Variants in ABI3BP observed in about 807,000 individuals in gnomAD.
ABI3BP encodes target of Nesh-SH3.
A neutral mutation model predicts 268.6 loss-of-function variants in ABI3BP; 216 were observed. That is an observed-to-expected ratio of 0.80 (90% CI 0.72 to 0.90). The LOEUF (loss-of-function observed/expected upper bound fraction) is 0.90. ABI3BP is among the 40% of genes least tolerant of loss of function. The pLI is 0.00. For missense variants in ABI3BP, 2,090 were observed against 2,182.4 expected, an observed-to-expected ratio of 0.96 and a Z score of 0.84; for synonymous variants, 730 against 730.0, an observed-to-expected ratio of 1.00 and a Z score of 0.00.
chr3:100,820,715 ACT>A (rs2098192612), intron 39 of ABI3BP, among the ~76,000 whole-genome samples: 1 of 152,142 alleles, frequency 6.6e-6, no homozygotes, highest in African/African-American at 2.4e-5. Context: ...TCATAAAGAA[ACT>A]CTCTGGTATC....
intron 1 of ABI3BP, among the ~76,000 whole-genome samples, chr3:100,950,853 T>G (rs375207162): frequency 6.6e-6 from 1 of 151,894 alleles, no homozygotes; most frequent in East Asian, 1.9e-4. Flanking sequence ...AGGCATCTCA[T>G]ACTAGTCATT....
chr3:100,898,470 C>T, intron 4 of ABI3BP, among the ~76,000 whole-genome samples: 1 of 152,204 alleles, frequency 6.6e-6, no homozygotes, highest in East Asian at 1.9e-4. Flanking sequence ...TTCCTAACTG[C>T]CTTTGGCCCC....
intron 10 of ABI3BP, among the ~76,000 whole-genome samples, chr3:100,866,417 A>G (rs1458360175): frequency 6.6e-6 from 1 of 152,226 alleles, no homozygotes; most frequent in Non-Finnish European, 1.5e-5. Context: ...TATTCTCTAC[A>G]CTAGGATTGC....
chr3:100,821,249 TA>T, intron 38 of ABI3BP, 136 bp from the exon 39 acceptor site: 1 of 721,840 alleles, frequency 1.4e-6, no homozygotes, highest in Non-Finnish European at 2.2e-6. Flanking sequence ...CTGTTAAAAC[TA>T]AAAAAGTAGA....
At chr3:100,951,638 C>T (rs2075083444) in intron 1 of ABI3BP, among the ~76,000 whole-genome samples, 1 of 151,876 alleles carries the variant, frequency 6.6e-6, no homozygotes, top group East Asian at 1.9e-4. Flanking sequence ...TGTCACAGTC[C>T]TAGGCACCCA....
intron 29 of ABI3BP, among the ~76,000 whole-genome samples, chr3:100,833,484 G>A (rs1178690403): frequency 6.6e-6 from 1 of 152,174 alleles, no homozygotes; most frequent in South Asian, 2.1e-4. Context: ...ATGTGAAAGT[G>A]TAGTTACACT....
At chr3:100,874,360 T>A (rs549243493) in intron 9 of ABI3BP, among the ~76,000 whole-genome samples, 1 of 152,208 alleles carries the variant, frequency 6.6e-6, no homozygotes, top group Non-Finnish European at 1.5e-5. Flanking sequence ...GGCCCTTTTT[T>A]AAGTGGATTT....
chr3:100,755,231 G>A (rs1057115239), intron 63 of ABI3BP, among the ~76,000 whole-genome samples: 8 of 152,176 alleles, frequency 5.3e-5, no homozygotes, highest in African/African-American at 1.4e-4. Flanking sequence ...AGCAATTTTT[G>A]AGGAGATTCA....
intron 1 of ABI3BP, among the ~76,000 whole-genome samples, chr3:100,978,493 C>T (rs1303992954): frequency 1.3e-5 from 2 of 152,170 alleles, no homozygotes; most frequent in African/African-American, 4.8e-5. Flanking sequence ...CATAATGTCA[C>T]AAAAACCTTT....
intron 1 of ABI3BP, among the ~76,000 whole-genome samples, chr3:100,967,503 CAA>C (rs5851238): frequency 2.0e-3 from 228 of 114,030 alleles, no homozygotes; most frequent in Middle Eastern, 4.1e-3. Flanking sequence ...GACTCCATCT[CAA>C]AAAAAAAAAA....
chr3:100,794,756 A>G (rs1227511337), intron 54 of ABI3BP, among the ~76,000 whole-genome samples, 167 bp downstream of exon 54: 1 of 152,030 alleles, frequency 6.6e-6, no homozygotes, highest in African/African-American at 2.4e-5. Context: ...GAAAATCAGC[A>G]TAAATATTAG....
intron 1 of ABI3BP, among the ~76,000 whole-genome samples, chr3:100,954,176 A>G (rs1327907353): frequency 6.6e-6 from 1 of 152,240 alleles, no homozygotes; most frequent in Non-Finnish European, 1.5e-5. Context: ...TCTTTTAATT[A>G]TTTAGAAATA....
chr3:100,936,806 G>A (rs933346562), intron 1 of ABI3BP, among the ~76,000 whole-genome samples: 2 of 152,108 alleles, frequency 1.3e-5, no homozygotes, highest in African/African-American at 4.8e-5. Context: ...TTTTATTTCT[G>A]TGGGATTGGT....
chr3:100,982,074 A>G (rs1224329061), intron 1 of ABI3BP, among the ~76,000 whole-genome samples: 1 of 152,200 alleles, frequency 6.6e-6, no homozygotes, highest in African/African-American at 2.4e-5. Flanking sequence ...CACAACTTAC[A>G]TGGCAGCAGG....
intron 1 of ABI3BP, among the ~76,000 whole-genome samples, chr3:100,946,133 G>A (rs1322270367): frequency 6.6e-6 from 1 of 152,100 alleles, no homozygotes; most frequent in African/African-American, 2.4e-5. Flanking sequence ...CACTTTGGGA[G>A]GACAAGGTGG....
chr3:100,943,615 T>A (rs893967212), intron 1 of ABI3BP, among the ~76,000 whole-genome samples: 4 of 152,152 alleles, frequency 2.6e-5, no homozygotes, highest in African/African-American at 9.7e-5. Flanking sequence ...CATAGATTAG[T>A]TTGCCTGTTC....
chr3:100,885,923 A>G (rs2041798151), intron 5 of ABI3BP, among the ~76,000 whole-genome samples: 1 of 152,058 alleles, frequency 6.6e-6, no homozygotes, highest in Non-Finnish European at 1.5e-5. Flanking sequence ...ACATCAATGG[A>G]GGCATCAAAT....
intron 66 of ABI3BP, chr3:100,752,392 C>T (rs9824297): frequency 0.039 from 6,257 of 159,720 alleles, 378 homozygotes; most frequent in African/African-American, 0.13. Flanking sequence ...CTATTGGGCA[C>T]GGAGCAGGGG....
chr3:100,903,982 C>T (rs1248444748), intron 2 of ABI3BP, among the ~76,000 whole-genome samples: 1 of 152,078 alleles, frequency 6.6e-6, no homozygotes, highest in Non-Finnish European at 1.5e-5. Flanking sequence ...TAGTGAGGCT[C>T]GTACAAGGAA....
Sources: gnomAD v4.1 joint callset for allele counts (sites outside exome capture counted in the v4.1 genomes callset) on GRCh38, gnomAD v4.1.1 for gene constraint, MANE v1.5 for transcripts, NCBI Gene and HGNC (gene_info 2026-07-23, HGNC 2026-07-21) for gene names.